MEI4: variants seen among roughly 807,000 people sequenced by gnomAD.
MEI4 encodes the protein meiotic double-stranded break formation protein 4.
In MEI4, 27 loss-of-function variants were observed where a neutral mutation model predicts 31.4. That is an observed-to-expected ratio of 0.86 (90% CI 0.63 to 1.19). MEI4 has a LOEUF of 1.19. Among genes scored for constraint, MEI4 ranks in the 50% most tolerant of loss-of-function variants. MEI4 has a pLI of 0.00. For missense variants in MEI4, 329 were observed against 398.9 expected, an observed-to-expected ratio of 0.82 and a Z score of 1.49; for synonymous variants, 122 against 145.4, an observed-to-expected ratio of 0.84 and a Z score of 1.16.
chr6:77,661,031 G>C (rs982286218), intron 1 of MEI4, among the ~76,000 whole-genome samples: 2 of 152,172 alleles, frequency 1.3e-5, no homozygotes, highest in African/African-American at 4.8e-5. Context: ...TAGAGGGCTG[G>C]TGTCTGGGAT....
chr6:77,743,087 T>C (rs1212271326), intron 2 of MEI4, among the ~76,000 whole-genome samples: 1 of 152,166 alleles, frequency 6.6e-6, no homozygotes, highest in Non-Finnish European at 1.5e-5. Context: ...TGGCTTAGGA[T>C]TGACTTGGCG....
At chr6:77,908,018 G>C (rs1158248444) in intron 4 of MEI4, among the ~76,000 whole-genome samples, 1 of 141,150 alleles carries the variant, frequency 7.1e-6, no homozygotes. Flanking sequence ...TTGTAAATTT[G>C]TTTGAGTTCA....
At chr6:77,650,459 T>C (rs1237644830), upstream of MEI4, among the ~76,000 whole-genome samples, 2 of 152,212 alleles carry the variant, frequency 1.3e-5, no homozygotes, top group Non-Finnish European at 2.9e-5. Flanking sequence ...CCGCTGGCTC[T>C]GGTGACCACC....
chr6:77,805,975 A>G (rs1769424225), intron 3 of MEI4, among the ~76,000 whole-genome samples: 1 of 152,146 alleles, frequency 6.6e-6, no homozygotes, highest in African/African-American at 2.4e-5. Context: ...GATGTAAAGA[A>G]TATTTCTTCC....
intron 3 of MEI4, among the ~76,000 whole-genome samples, chr6:77,809,800 T>A (rs147084215): frequency 6.6e-6 from 1 of 152,150 alleles, no homozygotes; most frequent in South Asian, 2.1e-4. Context: ...GCATGTGAAG[T>A]TATCAGATGA....
At chr6:77,788,795 G>A (rs1285937569) in intron 3 of MEI4, among the ~76,000 whole-genome samples, 2 of 152,142 alleles carry the variant, frequency 1.3e-5, no homozygotes, top group Non-Finnish European at 2.9e-5. Flanking sequence ...TCATGGGTAG[G>A]AAGAATCAAT....
Position 77,921,091 on chromosome 6 carries a change from A to G in MEI4, c.901-1998A>G, listed in dbSNP as rs534872124. ...CATTTATTTCTCCCCTGTAGCTACA[A>G]AATTCCTAGACGGCATCTTCTTTCA... On this transcript the variant is annotated intron_variant, in intron 4 of 4. Coordinates refer to ENST00000684080, the MANE Select transcript of MEI4 (RefSeq NM_001322247.2). Among the ~76,000 whole-genome samples, 15 of 151,994 alleles carry G rather than the reference A, an allele frequency of 9.9e-5. No individual in the cohort carries two copies. In the South Asian group the frequency reaches 3.1e-3, roughly 31 times the overall value.
chr6:77,845,342 A>T (rs1770457272), intron 4 of MEI4, among the ~76,000 whole-genome samples: 4 of 152,052 alleles, frequency 2.6e-5, no homozygotes, highest in Non-Finnish European at 5.9e-5. Context: ...CTCTTTCAAT[A>T]ATTTTATGTC....
intron 1 of MEI4, among the ~76,000 whole-genome samples, chr6:77,677,389 C>G (rs1272928769): frequency 1.3e-5 from 2 of 152,000 alleles, no homozygotes; most frequent in African/African-American, 4.8e-5. Context: ...TCTTTTGTTT[C>G]TGCCTTCTTT....
Position 77,804,482 on chromosome 6 carries a change from C to T in MEI4, c.769-24449C>T, listed in dbSNP as rs144172134. ...TGTCCTGCACCCACTTTCCGACACT[C>T]GCCAGTGAGATGAACCTGGTACCTC... On this transcript the variant is annotated intron_variant, in intron 3 of 4. Transcript: ENST00000684080. Among the ~76,000 whole-genome samples the T allele has an allele frequency of 8.1e-3, 1,227 of 152,300 alleles. 14 individuals are homozygous for T. Among genetic ancestry groups the T allele is most frequent in the Middle Eastern group, 0.048 (14 of 294 alleles).
At chr6:77,789,898 T>C (rs1338086878) in intron 3 of MEI4, among the ~76,000 whole-genome samples, 2 of 152,132 alleles carry the variant, frequency 1.3e-5, no homozygotes, top group Non-Finnish European at 2.9e-5. Context: ...AGCCATCCCA[T>C]TACTGGATAT....
At chr6:77,896,204 G>A (rs945076977) in intron 4 of MEI4, among the ~76,000 whole-genome samples, 3 of 152,158 alleles carry the variant, frequency 2.0e-5, no homozygotes, top group African/African-American at 7.2e-5. Flanking sequence ...TATTATGAAT[G>A]CTCTTTGTGA....
rs1249955213 is a variant in MEI4, at chr6:77,690,920, G to A, written c.232+17G>A. 1.2e-4 allele frequency: 148 copies of A among 1,191,470 alleles called. No individual in the cohort carries two copies. Among genetic ancestry groups the A allele is most frequent in the Non-Finnish European group, 1.5e-4 (138 of 951,208 alleles). 73.8% of individuals were successfully genotyped at this position (1,191,470 alleles called of 1,614,324 possible). A position where few individuals can be genotyped will look rare whatever the true frequency, so the allele number is the denominator to read the frequency against. On this transcript the variant is annotated intron_variant, in intron 2 of 4. Coordinates refer to ENST00000684080, the MANE Select transcript of MEI4 (RefSeq NM_001322247.2). ...TTAAGAGTGGTGAGTATATAAAATT[G>A]CCTTTTGGTAGTATGTCATACTTGT...
At chr6:77,785,650 A>G (rs9361282) in intron 3 of MEI4, among the ~76,000 whole-genome samples, 20,960 of 152,230 alleles carry the variant, frequency 0.14, 1,540 homozygotes, top group Middle Eastern at 0.21. Flanking sequence ...TTTTATGAGA[A>G]GGGTTATTTT....
chr6:77,798,245 TAAA>T (rs142370230), intron 3 of MEI4, among the ~76,000 whole-genome samples: 1,560 of 151,400 alleles, frequency 0.01, 27 homozygotes, highest in African/African-American at 0.036. Context: ...AAGAGTGGAA[TAAA>T]AAATAAATGA....
intron 4 of MEI4, among the ~76,000 whole-genome samples, chr6:77,900,549 G>A (rs1766166923): frequency 6.6e-6 from 1 of 151,742 alleles, no homozygotes; most frequent in Non-Finnish European, 1.5e-5. Flanking sequence ...CAGAATATAA[G>A]GCAGAATATT....
intron 2 of MEI4, chr6:77,716,896 C>T: frequency 1.0e-6 from 1 of 977,194 alleles, no homozygotes. Flanking sequence ...ATTTAAGTGA[C>T]CAGGAGGTCA....
At chr6:77,659,637 AG>A in intron 1 of MEI4, among the ~76,000 whole-genome samples, 1 of 152,142 alleles carries the variant, frequency 6.6e-6, no homozygotes. Context: ...CTGATGAGCA[AG>A]GGGAAGGTAG....
chr6:77,914,603 T>C (rs1431836612), intron 4 of MEI4, among the ~76,000 whole-genome samples: 1 of 152,138 alleles, frequency 6.6e-6, no homozygotes, highest in Non-Finnish European at 1.5e-5. Flanking sequence ...TTGGTCTATG[T>C]TCAGTTTAAA....
Sources: allele counts gnomAD v4.1 joint callset (sites outside exome capture counted in the v4.1 genomes callset), GRCh38; gene constraint gnomAD v4.1.1; transcripts MANE v1.5; gene names NCBI Gene and HGNC (gene_info 2026-07-23, HGNC 2026-07-21).